The following GLP2R variants were observed in gnomAD, a reference collection of about 807,000 sequenced individuals.
GLP2R encodes glucagon-like peptide 2 receptor.
Under a neutral mutation model 68.2 loss-of-function variants are expected in GLP2R, and 59 were observed. The ratio of observed to expected loss-of-function variants is 0.87; its 90% CI spans 0.70 to 1.07. The LOEUF (loss-of-function observed/expected upper bound fraction) is 1.07, where lower values mean the gene tolerates loss of function less well. GLP2R is among the 50% of genes least tolerant of loss of function. The probability of loss-of-function intolerance (pLI) is 0.00; values close to 1 mark genes in which losing one functional copy is unlikely to be tolerated. For missense variants in GLP2R, 548 were observed against 677.4 expected, an observed-to-expected ratio of 0.81 and a Z score of 2.12; for synonymous variants, 270 against 265.4, an observed-to-expected ratio of 1.02 and a Z score of -0.17.
intron 11 of GLP2R, among the ~76,000 whole-genome samples, chr17:9,885,649 T>C (rs781032243): frequency 3.9e-5 from 6 of 151,998 alleles, no homozygotes; most frequent in Non-Finnish European, 8.8e-5. Context: ...TCCATCTTAC[T>C]TCCTCTAAGA....
At chr17:9,881,869 C>T (rs2067199270) in intron 11 of GLP2R, among the ~76,000 whole-genome samples, 2 of 152,186 alleles carry the variant, frequency 1.3e-5, no homozygotes, top group African/African-American at 2.4e-5. Context: ...AGCACAGCAG[C>T]GCAGGTCTTC....
chr17:9,868,487 G>A (rs976327325), intron 9 of GLP2R, among the ~76,000 whole-genome samples: 1 of 152,154 alleles, frequency 6.6e-6, no homozygotes, highest in East Asian at 1.9e-4. Flanking sequence ...GGGGTCCTTA[G>A]CACCCACCCC....
intron 5 of GLP2R, 127 bp from the exon 6 acceptor site, chr17:9,857,296 T>C: frequency 1.3e-6 from 1 of 768,248 alleles, no homozygotes; most frequent in East Asian, 2.7e-5. Flanking sequence ...AATCCAGCAG[T>C]CCAGCTCTGC....
chr17:9,878,850 CCCTGTTTTT>C (rs1218368321), intron 10 of GLP2R, among the ~76,000 whole-genome samples: 2 of 152,168 alleles, frequency 1.3e-5, no homozygotes, highest in Non-Finnish European at 2.9e-5. Context: ...GCGAATGCCA[CCCTGTTTTT>C]CTACACCTTT....
intron 10 of GLP2R, among the ~76,000 whole-genome samples, chr17:9,872,001 G>A (rs1274983748): frequency 5.3e-5 from 8 of 152,148 alleles, no homozygotes; most frequent in African/African-American, 1.4e-4. Flanking sequence ...GGGATTACAG[G>A]CGTGAGCCAC....
chr17:9,847,308 T>C (rs2066848591), intron 4 of GLP2R, among the ~76,000 whole-genome samples: 1 of 152,192 alleles, frequency 6.6e-6, no homozygotes, highest in South Asian at 2.1e-4. Context: ...TCGCTCTTGT[T>C]GCCCAAGCTG....
chr17:9,871,861 A>AT (rs2067097548), intron 10 of GLP2R, among the ~76,000 whole-genome samples: 1 of 151,322 alleles, frequency 6.6e-6, no homozygotes, highest in African/African-American at 2.4e-5. Context: ...AGTAGCTGGG[A>AT]TTACAGGCAC....
In GLP2R at chr17:9,889,603, C is replaced by T. The variant is rs2067273301; in HGVS notation, c.1560C>T (p.Asp520=). ...AGCTGGGCGCCCAGCCCCAACAGGA[C>T]CATGCACGCTGGCCCCGGGGCAGCA... ...LGELGAQPQQ[D]HARWPRGSSL... Residue 520 remains aspartate, a synonymous_variant, in exon 13 of 13, where the codon GAC becomes GAT. Coordinates refer to ENST00000262441, the MANE Select transcript of GLP2R (RefSeq NM_004246.3). The T allele has an allele frequency of 6.2e-7, 1 of 1,613,932 alleles. No homozygotes were observed. Among genetic ancestry groups the T allele is most frequent in the Non-Finnish European group, 8.5e-7 (1 of 1,179,924 alleles).
At chr17:9,849,848 C>T (rs1422926841) in intron 4 of GLP2R, among the ~76,000 whole-genome samples, 4 of 152,038 alleles carry the variant, frequency 2.6e-5, no homozygotes, top group Non-Finnish European at 5.9e-5. Flanking sequence ...CTCCTGACCT[C>T]GTGATCCACC....
chr17:9,871,716 T>A (rs2152044312), intron 10 of GLP2R, among the ~76,000 whole-genome samples: 1 of 131,298 alleles, frequency 7.6e-6, no homozygotes. Flanking sequence ...TTCTTTACTT[T>A]CTTTCTTTTT....
chr17:9,838,957 G>A (rs1032191049), intron 3 of GLP2R, among the ~76,000 whole-genome samples: 1 of 152,218 alleles, frequency 6.6e-6, no homozygotes, highest in African/African-American at 2.4e-5. Flanking sequence ...AGCCTGCAGT[G>A]AGCCCACATT....
Position 9,842,557 on chromosome 17 carries a change from G to T in GLP2R, c.445G>T (p.Ala149Ser). 2 of 1,614,048 alleles carry T rather than the reference G, an allele frequency of 1.2e-6. No individual in the cohort carries two copies. The highest frequency in any genetic ancestry group is 1.3e-5 in the African/African-American group (1 of 75,026). The change falls in exon 4 of 13, where the codon GCC (alanine) becomes TCC (serine). Residue 149 changes from alanine to serine, a missense_variant. Ala to Ser is a moderately conservative substitution (Grantham distance 99). Transcript: ENST00000262441. ...GGGGACTTGGCAGACGATAGAGAAC[G>T]CCACGGATATTTGGCAGGATGACTC... ...AQGTWQTIEN[A>S]TDIWQDDSEC... is the part of the protein sequence containing the mutation.
At chr17:9,835,478 A>G (rs996388194) in intron 2 of GLP2R, among the ~76,000 whole-genome samples, 5 of 152,184 alleles carry the variant, frequency 3.3e-5, no homozygotes, top group Admixed American at 6.5e-5. Flanking sequence ...TGGTCCAAGT[A>G]TCTAATAATG....
chr17:9,843,928 CTTGTGAG>C, intron 4 of GLP2R, among the ~76,000 whole-genome samples: 1 of 106,568 alleles, frequency 9.4e-6, no homozygotes, highest in African/African-American at 3.8e-5. Flanking sequence ...GTCTTGTGAT[CTTGTGAG>C]GCATAGGGAC....
intron 1 of GLP2R, among the ~76,000 whole-genome samples, chr17:9,829,761 T>A (rs1167357825): frequency 6.6e-6 from 1 of 152,168 alleles, no homozygotes. Context: ...AATCTGGAAG[T>A]AGATGGTAAT....
intron 2 of GLP2R, among the ~76,000 whole-genome samples, chr17:9,835,291 T>C (rs2066716852): frequency 6.6e-6 from 1 of 151,976 alleles, no homozygotes; most frequent in Non-Finnish European, 1.5e-5. Context: ...CATTTTAGCC[T>C]AATAGGGAGC....
chr17:9,888,398 C>T (rs1052321796), intron 12 of GLP2R, among the ~76,000 whole-genome samples: 7 of 152,214 alleles, frequency 4.6e-5, no homozygotes, highest in African/African-American at 1.7e-4. Flanking sequence ...TGTAGTCTTG[C>T]TCTGGGTATG....
chr17:9,881,612 C>G (rs986610783), intron 11 of GLP2R, among the ~76,000 whole-genome samples: 5 of 135,548 alleles, frequency 3.7e-5, no homozygotes, highest in African/African-American at 1.9e-4. Context: ...GATCTCCTGA[C>G]CTCGTGATCC....
intron 4 of GLP2R, among the ~76,000 whole-genome samples, chr17:9,848,195 C>A (rs1159163324): frequency 1.3e-5 from 2 of 152,164 alleles, no homozygotes; most frequent in Non-Finnish European, 2.9e-5. Context: ...ATTTGTCTGA[C>A]TTTTTTCACA....
Sources: gnomAD v4.1 joint callset for allele counts (sites outside exome capture counted in the v4.1 genomes callset) on GRCh38, gnomAD v4.1.1 for gene constraint, MANE v1.5 for transcripts, NCBI Gene and HGNC (gene_info 2026-07-23, HGNC 2026-07-21) for gene names.